COG7: variants seen among roughly 807,000 people sequenced by gnomAD.
The protein encoded by COG7 is component of oligomeric golgi complex 7, also known as conserved oligomeric Golgi complex subunit 7.
Under a neutral mutation model 91.5 loss-of-function variants are expected in COG7, and 49 were observed. The ratio of observed to expected loss-of-function variants is 0.54; its 90% CI spans 0.43 to 0.68. The LOEUF is 0.68. Ranked by LOEUF, COG7 falls within the 30% of genes least tolerant of loss-of-function variation. The pLI is 0.00. For synonymous variants in COG7, 365 were observed against 388.7 expected (o/e 0.94, Z 0.72); for missense variants, 895 against 961.3 (o/e 0.93, Z 0.91).
rs777423500 is a variant in COG7 at position 23,389,073 on chromosome 16, G to A, written c.2160C>T (p.Asn720=). The change falls in exon 17 of 17, where the codon AAC becomes AAT. Residue 720 remains asparagine, a synonymous_variant. Coordinates refer to ENST00000307149, the MANE Select transcript of COG7 (RefSeq NM_153603.4). ...GCTGCAGGCCCAGGGCATCCATCAC[G>A]TTGATCAGATAGTCTGTGGGGGCGG... is the stretch of plus-strand genomic sequence containing the variant. ...QLATDIDYLI[N]VMDALGLQPS... is the part of the protein sequence containing the mutation. 7.4e-6 allele frequency: 12 copies of A among 1,613,972 alleles called. No homozygotes were observed. The highest frequency in any genetic ancestry group is 9.3e-6 in the Non-Finnish European group (11 of 1,180,000).
At chr16:23,411,803 C>T (rs189243954) in intron 10 of COG7, among the ~76,000 whole-genome samples, 7 of 151,910 alleles carry the variant, frequency 4.6e-5, no homozygotes, top group Admixed American at 3.3e-4. Flanking sequence ...GGGTGAAGTG[C>T]GCCAAGTGAA....
intron 16 of COG7, among the ~76,000 whole-genome samples, chr16:23,389,411 G>A (rs914215087): frequency 6.7e-6 from 1 of 149,528 alleles, no homozygotes; most frequent in African/African-American, 2.5e-5. Flanking sequence ...ACACAAACTC[G>A]CACACACACT....
At chr16:23,427,658 T>C (rs1002879254) in intron 6 of COG7, among the ~76,000 whole-genome samples, 28 of 152,182 alleles carry the variant, frequency 1.8e-4, no homozygotes, top group African/African-American at 6.5e-4. Flanking sequence ...CCAACTTCTG[T>C]GTTCCCGTCA....
chr16:23,417,124 G>A lies in COG7; in HGVS notation c.1138-3C>T. On this transcript the variant is annotated splice_polypyrimidine_tract_variant and splice_region_variant and intron_variant, in intron 8 of 16. Coordinates refer to ENST00000307149, the MANE Select transcript of COG7 (RefSeq NM_153603.4). ...CAGTCAATCACTTCCCCATGCTCCT[G>A]GTCAGCAAATACAGACAAAGCTGCA... The A allele has an allele frequency of 6.2e-7, 1 of 1,614,152 alleles. No homozygotes were observed. Among genetic ancestry groups the A allele is most frequent in the South Asian group, 1.1e-5 (1 of 91,080 alleles).
chr16:23,427,641 G>A (rs1596941245), intron 6 of COG7, among the ~76,000 whole-genome samples: 1 of 152,162 alleles, frequency 6.6e-6, no homozygotes, highest in East Asian at 1.9e-4. Flanking sequence ...CCCCAGACCT[G>A]CTTCCTCCAA....
At chr16:23,431,889 C>T (rs1446047256) in intron 6 of COG7, among the ~76,000 whole-genome samples, 2 of 151,390 alleles carry the variant, frequency 1.3e-5, no homozygotes, top group African/African-American at 4.9e-5. Context: ...TGCCTGTAAT[C>T]CCAGCACTTT....
chr16:23,396,149 T>G (rs781650721), intron 14 of COG7, among the ~76,000 whole-genome samples: 6 of 152,160 alleles, frequency 3.9e-5, no homozygotes, highest in Non-Finnish European at 8.8e-5. Flanking sequence ...CTGCACACAG[T>G]ACGTGTTCAA....
Position 23,388,795 on chromosome 16 carries a change from C to G in COG7, c.*125G>C. 3.3e-6 allele frequency: 5 copies of G among 1,529,862 alleles called. No individual in the cohort carries two copies. Among genetic ancestry groups the G allele is most frequent in the Non-Finnish European group, 4.4e-6 (5 of 1,139,006 alleles). The allele number at this position is 1,529,862 out of a possible 1,614,324, so 94.8% of individuals were successfully genotyped here. A position where few individuals can be genotyped will look rare whatever the true frequency, so the allele number is the denominator to read the frequency against. On this transcript the variant is annotated 3_prime_UTR_variant, in exon 17 of 17. Transcript: ENST00000307149. ...GATTACAGGCGTGAGCCACCGTGAC[C>G]AGCTGAACCAAGTCTTTTTAAAGTA...
chr16:23,453,157 A>T lies in COG7; in HGVS notation c.-163T>A. ...CTTGCCCCTTTGCGCTTCCCCGCTCAGCGCACTCAGTTTGCGGCTGGGAAT... is the reference window on the plus strand; with the variant it reads ...CTTGCCCCTTTGCGCTTCCCCGCTCTGCGCACTCAGTTTGCGGCTGGGAAT... On this transcript the variant is annotated 5_prime_UTR_variant, in exon 1 of 17. Transcript: ENST00000307149. 1 of 1,420,226 alleles carries T rather than the reference A, an allele frequency of 7.0e-7. No homozygotes were observed. 88.0% of individuals were successfully genotyped at this position (1,420,226 alleles called of 1,614,324 possible). A position where few individuals can be genotyped will look rare whatever the true frequency, so the allele number is the denominator to read the frequency against.
At chr16:23,442,381 T>C in intron 4 of COG7, 96 bp downstream of exon 4, 2 of 1,110,428 alleles carry the variant, frequency 1.8e-6, no homozygotes, top group Admixed American at 1.7e-5. Context: ...ATCTATGTAA[T>C]TCAATCACCA....
chr16:23,425,493 T>A (rs957138936), intron 6 of COG7, among the ~76,000 whole-genome samples: 1 of 151,942 alleles, frequency 6.6e-6, no homozygotes, highest in African/African-American at 2.4e-5. Flanking sequence ...CCACACCTGA[T>A]TAATTTTTTA....
At chr16:23,450,221 C>A (rs954012188) in intron 1 of COG7, among the ~76,000 whole-genome samples, 5 of 152,170 alleles carry the variant, frequency 3.3e-5, no homozygotes, top group African/African-American at 1.2e-4. Flanking sequence ...CAGGCATGAG[C>A]CACTGCGCCC....
chr16:23,442,709 G>A, intron 3 of COG7, 64 bp from the exon 4 acceptor site: 8 of 1,405,076 alleles, frequency 5.7e-6, no homozygotes, highest in Non-Finnish European at 8.1e-6. Context: ...ATTGGGAATA[G>A]ATAAAATACA....
intron 7 of COG7, among the ~76,000 whole-genome samples, chr16:23,420,681 C>T (rs1374450412): frequency 6.6e-6 from 1 of 152,282 alleles, no homozygotes; most frequent in East Asian, 1.9e-4. Context: ...TAATGTGGGT[C>T]TAACATGGTA....
chr16:23,452,679 G>T lies in COG7; in HGVS notation c.169+147C>A. ...ACCCAGCTGAGACTCCCGCTGACGTGATCAGGAGTTCGGGGCTTGCTCTTT... is the reference window on the plus strand; with the variant it reads ...ACCCAGCTGAGACTCCCGCTGACGTTATCAGGAGTTCGGGGCTTGCTCTTT... On this transcript the variant is annotated intron_variant, in intron 1 of 16. Coordinates refer to ENST00000307149, the MANE Select transcript of COG7 (RefSeq NM_153603.4). 2.8e-6 allele frequency: 4 copies of T among 1,449,216 alleles called. No individual in the cohort carries two copies. The South Asian group carries it at 5.7e-5, about 20-fold the overall frequency. The allele number at this position is 1,449,216 out of a possible 1,614,324, so 89.8% of individuals were successfully genotyped here. A position where few individuals can be genotyped will look rare whatever the true frequency, so the allele number is the denominator to read the frequency against.
chr16:23,389,381 ACACT>A (rs1417664553), intron 16 of COG7, among the ~76,000 whole-genome samples: 1 of 151,846 alleles, frequency 6.6e-6, no homozygotes, highest in Non-Finnish European at 1.5e-5. Context: ...ACACGCACAC[ACACT>A]CTCACATCCA....
intron 16 of COG7, among the ~76,000 whole-genome samples, chr16:23,389,433 ACACT>A (rs1360580376): frequency 6.6e-6 from 1 of 151,668 alleles, no homozygotes; most frequent in Non-Finnish European, 1.5e-5. Flanking sequence ...ACATGTACAC[ACACT>A]CACATGCACA....
chr16:23,449,607 G>A (rs1282154750), intron 1 of COG7, among the ~76,000 whole-genome samples: 1 of 151,038 alleles, frequency 6.6e-6, no homozygotes, highest in Non-Finnish European at 1.5e-5. Context: ...CAGGCATGGT[G>A]GCGCATGCCT....
At chr16:23,420,148 G>C (rs1280908958) in intron 7 of COG7, among the ~76,000 whole-genome samples, 1 of 151,964 alleles carries the variant, frequency 6.6e-6, no homozygotes, top group Non-Finnish European at 1.5e-5. Context: ...AAAAACAAAA[G>C]GATACCCCAT....
Sources: allele counts gnomAD v4.1 joint callset (sites outside exome capture counted in the v4.1 genomes callset), GRCh38; gene constraint gnomAD v4.1.1; transcripts MANE v1.5; gene names NCBI Gene and HGNC (gene_info 2026-07-23, HGNC 2026-07-21).